The following ACP1 variants were observed in gnomAD, a reference collection of about 807,000 sequenced individuals.
ACP1 encodes low molecular weight phosphotyrosine protein phosphatase.
ACP1 carries 23 observed loss-of-function variants against 23.4 expected under a neutral mutation model. The ratio of observed to expected loss-of-function variants is 0.98; its 90% CI spans 0.71 to 1.39. The LOEUF is 1.39. ACP1 is among the 40% of genes most tolerant of loss of function. The pLI is 0.00. For missense variants in ACP1, 180 were observed against 197.7 expected, an observed-to-expected ratio of 0.91 and a Z score of 0.54; for synonymous variants, 72 against 67.2, an observed-to-expected ratio of 1.07 and a Z score of -0.35.
Position 277,100 on chromosome 2 carries a change from C to T in ACP1, c.399+15C>T, listed in dbSNP as rs370116232. ...ATCCCTATTATGTAAGTACAGTTCA[C>T]GTTTTAGGGCTAATATGAAGACCCA... On this transcript the variant is annotated intron_variant, in intron 5 of 5. Transcript: ENST00000272065. 5.4e-5 allele frequency: 85 copies of T among 1,588,252 alleles called. No homozygotes were observed. Among genetic ancestry groups the T allele is most frequent in the East Asian group, 8.9e-5 (4 of 44,760 alleles).
At chr2:266,957 G>A (rs532866888) in intron 1 of ACP1, among the ~76,000 whole-genome samples, 5 of 152,204 alleles carry the variant, frequency 3.3e-5, no homozygotes, top group Non-Finnish European at 5.9e-5. Context: ...CACTGTGATA[G>A]CATCACAATG....
At position 272,198 on chromosome 2, in the gene ACP1, ATT is replaced by A. The variant is rs1558263380; in HGVS notation, c.231+49_231+50del. 3 of 1,614,138 alleles carry A rather than the reference ATT, an allele frequency of 1.9e-6. No individual in the cohort carries two copies. The South Asian group carries it at 3.3e-5, about 18-fold the overall frequency. ...TGTGTGTTTTGTGTTTCAGTGGGTC[ATT>A]GACAGCGGTGCTGTTTCTGACTGGA... On this transcript the variant is annotated intron_variant, in intron 3 of 5. Coordinates refer to ENST00000272065, the MANE Select transcript of ACP1 (RefSeq NM_004300.4).
At chr2:276,579 G>A (rs1004129126) in intron 4 of ACP1, among the ~76,000 whole-genome samples, 26 of 152,160 alleles carry the variant, frequency 1.7e-4, no homozygotes, top group African/African-American at 5.1e-4. Context: ...GGAGTGGGTC[G>A]TGCTGTGGGA....
chr2:266,061 T>C (rs978774497), intron 1 of ACP1, among the ~76,000 whole-genome samples: 2 of 152,228 alleles, frequency 1.3e-5, no homozygotes, highest in Non-Finnish European at 2.9e-5. Flanking sequence ...TTGTGTAATA[T>C]AGTAAAAGAT....
At chr2:272,671 A>G in intron 3 of ACP1, 1 of 334,154 alleles carries the variant, frequency 3.0e-6, no homozygotes, top group South Asian at 6.9e-5. Context: ...TATATAATAT[A>G]TACAAAAACA....
rs777512746 is a variant in ACP1, at chr2:277,014, T to TGCAAA, written c.331_335dup (p.Ile114LeufsTer73). The TGCAAA allele has an allele frequency of 6.2e-7, 1 of 1,610,998 alleles. No individual in the cohort carries two copies. The highest frequency in any genetic ancestry group is 8.5e-7 in the Non-Finnish European group (1 of 1,178,636). On this transcript the variant is annotated frameshift_variant, in exon 5 of 6. Coordinates refer to ENST00000272065, the MANE Select transcript of ACP1 (RefSeq NM_004300.4). LOFTEE classifies it high-confidence loss of function. The stretch of plus-strand genomic sequence containing the variant: ...TAGAAAAAGTAATCAAGTTAAAACC[T>TGCAAA]GCAAAGCTAAAATTGAACTACTTGG...
At chr2:267,873 C>T (rs1669930732) in intron 1 of ACP1, among the ~76,000 whole-genome samples, 1 of 152,216 alleles carries the variant, frequency 6.6e-6, no homozygotes, top group Non-Finnish European at 1.5e-5. Flanking sequence ...ATGAACCTGG[C>T]TGTGTTCTAG....
Position 271,855 on chromosome 2 carries a change from T to C in ACP1, c.44-11T>C, listed in dbSNP as rs73907921. 578 of 1,574,948 alleles carry C rather than the reference T, an allele frequency of 3.7e-4. 1 individual carries two copies. In the African/African-American group the frequency reaches 6.8e-3, roughly 19 times the overall value. ...CTAACCCTGTTTCCCCACCCCTCCC[T>C]TTTTTTAAAGGTAACATTTGTCGAT... On this transcript the variant is annotated splice_polypyrimidine_tract_variant and intron_variant, in intron 1 of 5. Transcript: ENST00000272065.
chr2:270,848 GT>G (rs144990308), intron 1 of ACP1, among the ~76,000 whole-genome samples: 1 of 32,208 alleles, frequency 3.1e-5, no homozygotes, highest in African/African-American at 2.0e-4. Flanking sequence ...TGCTTTGGCT[GT>G]TTTGTTTGTT....
chr2:273,898 C>G (rs990848225), intron 3 of ACP1, among the ~76,000 whole-genome samples: 2 of 152,140 alleles, frequency 1.3e-5, no homozygotes, highest in African/African-American at 4.8e-5. Context: ...GGCATGGTGG[C>G]TCACACTTAT....
intron 4 of ACP1, chr2:275,660 C>G (rs1410065317): frequency 6.5e-6 from 1 of 154,540 alleles, no homozygotes; most frequent in Non-Finnish European, 1.5e-5. Flanking sequence ...GTTCACACAG[C>G]TAGCATGTGG....
intron 4 of ACP1, 95 bp from the exon 5 acceptor site, chr2:276,885 A>AT (rs1267445799): frequency 1.3e-6 from 1 of 758,090 alleles, no homozygotes; most frequent in Non-Finnish European, 2.2e-6. Flanking sequence ...TTCTGTCTTG[A>AT]TTTTGATATG....
intron 1 of ACP1, among the ~76,000 whole-genome samples, chr2:267,316 G>A (rs555942429): frequency 1.3e-5 from 2 of 152,284 alleles, no homozygotes; most frequent in South Asian, 4.1e-4. Context: ...CAGCCTCTCT[G>A]GAGCTCACGT....
rs1369181397 is a variant in ACP1 at position 272,010 on chromosome 2, A to AT, written c.118-27_118-26insT. 4 of 1,609,494 alleles carry AT rather than the reference A, an allele frequency of 2.5e-6. No individual in the cohort carries two copies. In the Admixed American group the frequency reaches 6.8e-5, roughly 27 times the overall value. ...GGGCAGGAAATTGCAAAAAAAAAAAAAAAATTCCATGTTTCTTCCCCTGCA... is the reference window on the plus strand; with the variant it reads ...GGGCAGGAAATTGCAAAAAAAAAAAATAAAATTCCATGTTTCTTCCCCTGCA... On this transcript the variant is annotated intron_variant, in intron 2 of 5. Coordinates refer to ENST00000272065, the MANE Select transcript of ACP1 (RefSeq NM_004300.4).
rs1268210086 is a variant in ACP1 at position 272,085 on chromosome 2, C to G, written c.166C>G (p.Pro56Ala). ...TTCCGGGTATGAGATAGGGAACCCC[C>G]CTGACTACCGAGGGCAGAGCTGCAT... The part of the protein sequence containing the change: ...ATSGYEIGNP[P>A]DYRGQSCMKR... The change falls in exon 3 of 6, where the codon CCT becomes GCT. Residue 56 changes from proline (P) to alanine (A), a missense_variant. Around this residue, in one of 3 missense-constraint regions of ACP1, gnomAD observed 132 missense variants for 124.1 expected, o/e 1.06. Transcript: ENST00000272065. 4.3e-6 allele frequency: 7 copies of G among 1,614,178 alleles called. No individual in the cohort carries two copies. The highest frequency in any genetic ancestry group is 5.1e-6 in the Non-Finnish European group (6 of 1,180,032).
chr2:271,779 G>A (rs1359460653), intron 1 of ACP1, 87 bp from the exon 2 acceptor site: 7 of 1,009,864 alleles, frequency 6.9e-6, no homozygotes, highest in Admixed American at 3.4e-5. Context: ...CACAGCCCCC[G>A]TGTGTCAGGT....
At chr2:277,177 G>T in intron 5 of ACP1, 50 bp from the exon 6 acceptor site, 1 of 1,602,422 alleles carries the variant, frequency 6.2e-7, no homozygotes, top group Non-Finnish European at 8.6e-7. Context: ...TGTTAAGGAT[G>T]TTTTTGTTAT....
chr2:271,138 G>A (rs1172802373), intron 1 of ACP1, among the ~76,000 whole-genome samples: 1 of 152,102 alleles, frequency 6.6e-6, no homozygotes, highest in African/African-American at 2.4e-5. Flanking sequence ...GTGTTGAATC[G>A]CTGTTTATGC....
chr2:271,835 C>A (rs754834365), intron 1 of ACP1, 31 bp from the exon 2 acceptor site: 1 of 1,585,798 alleles, frequency 6.3e-7, no homozygotes, highest in South Asian at 1.1e-5. Flanking sequence ...CCAACCTAAC[C>A]CTGTTTCCCC....
Sources: gnomAD v4.1 joint callset for allele counts (sites outside exome capture counted in the v4.1 genomes callset) on GRCh38, gnomAD v4.1.1 for gene constraint, gnomAD v4.1.1 regional missense constraint, MANE v1.5 for transcripts, NCBI Gene and HGNC (gene_info 2026-07-23, HGNC 2026-07-21) for gene names.